The following PPP2R5A variants were observed in gnomAD, a reference collection of about 807,000 sequenced individuals.
PPP2R5A encodes serine/threonine-protein phosphatase 2A 56 kDa regulatory subunit alpha isoform.
In PPP2R5A, 25 loss-of-function variants were observed where a neutral mutation model predicts 64.2. That is an observed-to-expected ratio of 0.39 (90% CI 0.28 to 0.54). The LOEUF (loss-of-function observed/expected upper bound fraction) is 0.54. PPP2R5A is among the 20% of genes least tolerant of loss of function. The probability of loss-of-function intolerance (pLI) is 0.67; values close to 1 mark genes in which losing one functional copy is unlikely to be tolerated. For synonymous variants in PPP2R5A, 198 were observed against 201.2 expected, an observed-to-expected ratio of 0.98 and a Z score of 0.13; for missense variants, 425 against 576.3, an observed-to-expected ratio of 0.74 and a Z score of 2.69.
At chr1:212,314,944 C>G (rs771553851) in intron 1 of PPP2R5A, among the ~76,000 whole-genome samples, 3 of 152,100 alleles carry the variant, frequency 2.0e-5, no homozygotes, top group Non-Finnish European at 4.4e-5. Flanking sequence ...TGGGCTCAAG[C>G]AGTTCTCCTG....
At chr1:212,334,237 C>A (rs1659554115) in intron 3 of PPP2R5A, among the ~76,000 whole-genome samples, 1 of 151,994 alleles carries the variant, frequency 6.6e-6, no homozygotes, top group Non-Finnish European at 1.5e-5. Context: ...ATGAACAGTT[C>A]TATGTATAAG....
intron 1 of PPP2R5A, among the ~76,000 whole-genome samples, chr1:212,288,171 C>T (rs887591242): frequency 1.3e-5 from 2 of 152,144 alleles, no homozygotes; most frequent in Admixed American, 6.5e-5. Context: ...CATGTGTCAC[C>T]ATGGCCGGCT....
At chr1:212,322,190 G>C (rs1659313412) in intron 1 of PPP2R5A, among the ~76,000 whole-genome samples, 1 of 150,396 alleles carries the variant, frequency 6.6e-6, no homozygotes, top group South Asian at 2.1e-4. Flanking sequence ...AAGAGAGGGA[G>C]AGGGAGACCG....
At chr1:212,346,106 A>G (rs968965395) in intron 5 of PPP2R5A, among the ~76,000 whole-genome samples, 173 bp downstream of exon 5, 1 of 151,970 alleles carries the variant, frequency 6.6e-6, no homozygotes, top group Non-Finnish European at 1.5e-5. Context: ...GACTCAAGCA[A>G]TCTTCCTCTC....
intron 1 of PPP2R5A, among the ~76,000 whole-genome samples, chr1:212,310,557 A>G (rs1016420238): frequency 6.6e-6 from 1 of 152,140 alleles, no homozygotes; most frequent in Non-Finnish European, 1.5e-5. Flanking sequence ...GAGTGGGGAC[A>G]ATTGTATGCT....
At chr1:212,354,258 C>G (rs1659939657) in intron 8 of PPP2R5A, among the ~76,000 whole-genome samples, 1 of 152,126 alleles carries the variant, frequency 6.6e-6, no homozygotes, top group African/African-American at 2.4e-5. Context: ...TGGCTCAGGA[C>G]TGTAATCCCA....
Position 212,357,140 on chromosome 1 carries a change from T to TAGAG in PPP2R5A, c.1099-16_1099-15insGAGA. On this transcript the variant is annotated splice_polypyrimidine_tract_variant and intron_variant, in intron 10 of 12. Transcript: ENST00000261461. ...TCCTATTTTAGTTTTGACATTTCTC[T>TAGAG]AAATGTCTTTTTTTAGGTTGCAGAA... 2.5e-6 allele frequency: 4 copies of TAGAG among 1,579,846 alleles called. No individual in the cohort carries two copies. The highest frequency in any genetic ancestry group is 3.4e-6 in the Non-Finnish European group (4 of 1,165,688).
chr1:212,356,822 A>G (rs1465221288), intron 9 of PPP2R5A, 128 bp from the exon 10 acceptor site: 7 of 1,264,262 alleles, frequency 5.5e-6, no homozygotes, highest in Non-Finnish European at 7.6e-6. Context: ...GTGCTATAGT[A>G]AACTCTGCCA....
chr1:212,355,032 T>C (rs999018043), intron 8 of PPP2R5A, among the ~76,000 whole-genome samples: 33 of 152,194 alleles, frequency 2.2e-4, no homozygotes, highest in African/African-American at 7.7e-4. Flanking sequence ...CGTATCCCCA[T>C]CATTAAATGA....
chr1:212,334,665 T>G (rs936557575), intron 3 of PPP2R5A, among the ~76,000 whole-genome samples: 5 of 152,234 alleles, frequency 3.3e-5, no homozygotes, highest in African/African-American at 4.8e-5. Flanking sequence ...TGTAGAATTC[T>G]TGGCTAACAG....
At chr1:212,321,979 A>T (rs374948934) in intron 1 of PPP2R5A, among the ~76,000 whole-genome samples, 2 of 151,720 alleles carry the variant, frequency 1.3e-5, no homozygotes, top group African/African-American at 4.9e-5. Flanking sequence ...CGCGGTTAGG[A>T]GCTGGAGACC....
At chr1:212,296,116 G>C (rs2102411848) in intron 1 of PPP2R5A, among the ~76,000 whole-genome samples, 1 of 152,074 alleles carries the variant, frequency 6.6e-6, no homozygotes, top group Non-Finnish European at 1.5e-5. Flanking sequence ...AATTGTTTGG[G>C]AGGAGATGGA....
At chr1:212,304,305 C>G (rs754343890) in intron 1 of PPP2R5A, among the ~76,000 whole-genome samples, 1 of 152,092 alleles carries the variant, frequency 6.6e-6, no homozygotes, top group Non-Finnish European at 1.5e-5. Context: ...AATGCCAGCA[C>G]TTTGGGAGGC....
intron 1 of PPP2R5A, among the ~76,000 whole-genome samples, chr1:212,302,913 A>AT (rs1658824967): frequency 6.6e-6 from 1 of 152,056 alleles, no homozygotes; most frequent in South Asian, 2.1e-4. Context: ...ATGTTGTAGC[A>AT]TGTGTTAGTA....
intron 11 of PPP2R5A, 176 bp downstream of exon 11, chr1:212,357,460 T>C: frequency 1.8e-6 from 1 of 543,980 alleles, no homozygotes; most frequent in Non-Finnish European, 2.9e-6. Flanking sequence ...AAGTTATAAA[T>C]GTGTGTGTTT....
intron 1 of PPP2R5A, among the ~76,000 whole-genome samples, chr1:212,317,165 C>T (rs1038339141): frequency 2.0e-5 from 3 of 152,238 alleles, no homozygotes; most frequent in South Asian, 2.1e-4. Context: ...TTTGAGTTTT[C>T]GCTGAAATTT....
chr1:212,338,955 TC>T (rs1659636153), intron 3 of PPP2R5A, among the ~76,000 whole-genome samples: 1 of 152,144 alleles, frequency 6.6e-6, no homozygotes, highest in African/African-American at 2.4e-5. Flanking sequence ...ATCCCTTACA[TC>T]CTAGCAGAGA....
chr1:212,295,603 GA>G (rs1236643951), intron 1 of PPP2R5A, among the ~76,000 whole-genome samples: 2 of 152,188 alleles, frequency 1.3e-5, no homozygotes, highest in African/African-American at 4.8e-5. Context: ...ATGGGTAAGG[GA>G]AAAAGGTACA....
At chr1:212,311,864 A>G (rs1040092329) in intron 1 of PPP2R5A, among the ~76,000 whole-genome samples, 45 of 152,348 alleles carry the variant, frequency 3.0e-4, no homozygotes, top group African/African-American at 1.0e-3. Flanking sequence ...AAAGAGTAAA[A>G]AAGTTAAAAT....
Sources: gnomAD v4.1 joint callset for allele counts (sites outside exome capture counted in the v4.1 genomes callset) on GRCh38, gnomAD v4.1.1 for gene constraint, MANE v1.5 for transcripts, NCBI Gene and HGNC (gene_info 2026-07-23, HGNC 2026-07-21) for gene names.